EPS15L1: variants seen among roughly 807,000 people sequenced by gnomAD.
EPS15L1 encodes the protein epidermal growth factor receptor substrate 15-like 1.
Under a neutral mutation model 117.1 loss-of-function variants are expected in EPS15L1, and 43 were observed. That is an observed-to-expected ratio of 0.37 (90% CI 0.29 to 0.47). The LOEUF is 0.47. Among genes scored for constraint, EPS15L1 ranks in the 20% least tolerant of loss-of-function variants. The pLI is 0.99. For missense variants in EPS15L1, 981 were observed against 1,164.0 expected (o/e 0.84, Z 2.29); for synonymous variants, 459 against 470.5 (o/e 0.98, Z 0.32).
chr19:16,438,949 G>A (rs1021851250), intron 4 of EPS15L1, among the ~76,000 whole-genome samples: 8 of 152,002 alleles, frequency 5.3e-5, no homozygotes, highest in African/African-American at 1.9e-4. Context: ...GTGGCCTGAC[G>A]TGGACCCCAC....
rs2092770342 is a variant in EPS15L1, at chr19:16,417,536, G to C, written c.1193+16C>G. 6.2e-7 allele frequency: 1 copy of C among 1,605,742 alleles called. No homozygotes were observed. Among genetic ancestry groups the C allele is most frequent in the Admixed American group, 1.7e-5 (1 of 59,994 alleles). On this transcript the variant is annotated intron_variant, in intron 12 of 23. Transcript: ENST00000455140. ...GTAACATCTGGATGTGGAGGGAAGG[G>C]CCGTTTCCAACATACCTTTGTAACT...
Position 16,402,354 on chromosome 19 carries a change from G to A in EPS15L1, c.1758C>T (p.Val586=). The change falls in exon 16 of 24, where the codon GTC becomes GTT. Residue 586 remains valine, a synonymous_variant. Transcript: ENST00000455140. Reference sequence around the variant, plus strand: ...CAAAACTGCCCCTCTCTGCCAGGGAGACGCCTTCGCTCAGGTTGGCCAGGT... The same window carrying A: ...CAAAACTGCCCCTCTCTGCCAGGGAAACGCCTTCGCTCAGGTTGGCCAGGT... ...LTDLANLSEG[V]SLAERGSFGA... is the part of the protein sequence containing the mutation. The A allele has an allele frequency of 6.2e-7, 1 of 1,613,504 alleles. No individual in the cohort carries two copies. The highest frequency in any genetic ancestry group is 8.5e-7 in the Non-Finnish European group (1 of 1,179,770).
Position 16,421,600 on chromosome 19 carries a change from C to T in EPS15L1, c.793-124G>A. ...ATTTGGCATCAAACTCTCCTCACTT[C>T]CATGAGCCAAGAGGGCAGATGTGAT... On this transcript the variant is annotated intron_variant, in intron 9 of 23. Transcript: ENST00000455140. The T allele has an allele frequency of 5.8e-6, 6 of 1,030,084 alleles. No individual in the cohort carries two copies. In the South Asian group the frequency reaches 7.8e-5, roughly 13 times the overall value. 63.8% of individuals were successfully genotyped at this position (1,030,084 alleles called of 1,614,324 possible).
chr19:16,363,554 T>C (rs2092089700), intron 22 of EPS15L1, among the ~76,000 whole-genome samples: 1 of 152,246 alleles, frequency 6.6e-6, no homozygotes, highest in African/African-American at 2.4e-5. Flanking sequence ...CAGGTGTCCT[T>C]GTGGGCTCCG....
At chr19:16,385,046 A>G in intron 21 of EPS15L1, 83 bp downstream of exon 21, 1 of 1,080,022 alleles carries the variant, frequency 9.3e-7, no homozygotes, top group Non-Finnish European at 1.4e-6. Context: ...CGTGACATGA[A>G]CAATTACGCC....
At chr19:16,463,340 C>T (rs1470427770) in intron 1 of EPS15L1, among the ~76,000 whole-genome samples, 1 of 152,188 alleles carries the variant, frequency 6.6e-6, no homozygotes, top group Non-Finnish European at 1.5e-5. Flanking sequence ...TCCTCTCCCA[C>T]CTAGACCCTC....
intron 22 of EPS15L1, 68 bp from the exon 23 acceptor site, chr19:16,362,052 G>A (rs2092062657): frequency 6.9e-7 from 1 of 1,450,760 alleles, no homozygotes; most frequent in Admixed American, 2.6e-5. Flanking sequence ...GGACAGAGCA[G>A]AATGCTGGTG....
chr19:16,441,207 A>T (rs1197219504), intron 3 of EPS15L1: 5 of 419,946 alleles, frequency 1.2e-5, no homozygotes, highest in Non-Finnish European at 2.2e-5. Context: ...GCGGTGGTTC[A>T]CGCCTGTAAT....
At position 16,377,268 on chromosome 19, in the gene EPS15L1, C is replaced by T; in HGVS notation, c.2248-14G>A. On this transcript the variant is annotated splice_polypyrimidine_tract_variant and intron_variant, in intron 21 of 23. Transcript: ENST00000455140. ...AGAAGGTGGGGGCTGTAAGAGAGGA[C>T]ATGAAAGAGAGGCAAAAATAGTTGT... is the stretch of plus-strand genomic sequence containing the variant. 1 of 1,608,362 alleles carries T rather than the reference C, an allele frequency of 6.2e-7. No individual in the cohort carries two copies. The highest frequency in any genetic ancestry group is 8.5e-7 in the Non-Finnish European group (1 of 1,178,424).
rs1199193171 is a variant in EPS15L1 at position 16,402,433 on chromosome 19, C to T, written c.1679G>A (p.Ser560Asn). The T allele has an allele frequency of 3.7e-6, 6 of 1,612,760 alleles. No homozygotes were observed. The highest frequency in any genetic ancestry group is 1.1e-5 in the South Asian group (1 of 90,882). ...GAGCACCTGGTCATACTGCTCCAGG[C>T]TCCTGTGGGCCTCCTGGCGGCTTTC... ...LHESRQEAHRSLEQYDQVLDG... is the reference protein window; with the variant it reads ...LHESRQEAHRNLEQYDQVLDG... The change falls in exon 16 of 24, where the codon AGC (serine) becomes AAC (asparagine). Residue 560 changes from serine to asparagine, a missense_variant. Physicochemically the swap from Ser to Asn is conservative, Grantham distance 46. This residue lies in a region of EPS15L1 where 819 missense variants were observed against 949.0 expected (regional missense o/e 0.86). Coordinates refer to ENST00000455140, the MANE Select transcript of EPS15L1 (RefSeq NM_001258374.3).
intron 22 of EPS15L1, among the ~76,000 whole-genome samples, chr19:16,376,449 G>A (rs1270116322): frequency 2.0e-5 from 3 of 152,224 alleles, no homozygotes; most frequent in African/African-American, 7.2e-5. Context: ...CGAGGGCCAA[G>A]GCTAGGAGAC....
At position 16,393,988 on chromosome 19, in the gene EPS15L1, C is replaced by G. The variant is rs762470191; in HGVS notation, c.1929G>C (p.Gln643His). 1.2e-6 allele frequency: 2 copies of G among 1,614,012 alleles called. No homozygotes were observed. Among genetic ancestry groups the G allele is most frequent in the Middle Eastern group, 1.6e-4 (1 of 6,082 alleles). The change falls in exon 18 of 24, where the codon CAG becomes CAC. Residue 643 changes from glutamine (Q) to histidine (H), a missense_variant. Physicochemically the swap from Gln to His is conservative, Grantham distance 24. Coordinates refer to ENST00000455140, the MANE Select transcript of EPS15L1 (RefSeq NM_001258374.3). The part of the protein sequence containing the change: ...GADPFKGDPF[Q>H]NDPFAEQQTT... ...TCTGCTGTTCTGCAAAGGGGTCATT[C>G]TGGAACGGGTCGCCTGGTTGGAAGA...
chr19:16,445,878 C>A (rs1238523952), intron 1 of EPS15L1, among the ~76,000 whole-genome samples: 1 of 152,206 alleles, frequency 6.6e-6, no homozygotes, highest in Non-Finnish European at 1.5e-5. Context: ...GCAGAGCTGA[C>A]CCGATGTGTT....
At chr19:16,428,034 C>T (rs2144988841) in intron 8 of EPS15L1, among the ~76,000 whole-genome samples, 1 of 147,904 alleles carries the variant, frequency 6.8e-6, no homozygotes, top group East Asian at 2.0e-4. Flanking sequence ...AACCCTGTCT[C>T]TACTAAAAAT....
chr19:16,428,857 A>G, intron 7 of EPS15L1, 96 bp from the exon 8 acceptor site: 1 of 950,662 alleles, frequency 1.1e-6, no homozygotes, highest in Non-Finnish European at 1.7e-6. Flanking sequence ...CGTGGCACTC[A>G]CTGGGCTCAG....
rs71178690 is a variant in EPS15L1 at position 16,362,511 on chromosome 19, CTTTTTTTTTT to C, written c.2381-537_2381-528del. On this transcript the variant is annotated intron_variant, in intron 22 of 23. Transcript: ENST00000455140. ...GCTCTGCCATGCTGAGGTTTAAGTT[CTTTTTTTTTT>C]TTTTTTTTTTTTTTTTTTCAGAGAC... Among the ~76,000 whole-genome samples, 252 of 56,074 alleles carry C rather than the reference CTTTTTTTTTT, an allele frequency of 4.5e-3. 1 individual carries two copies. Among genetic ancestry groups the C allele is most frequent in the Non-Finnish European group, 7.8e-3 (214 of 27,378 alleles). 36.8% of individuals were successfully genotyped at this position (56,074 alleles called of 152,430 possible). A position where few individuals can be genotyped will look rare whatever the true frequency, so the allele number is the denominator to read the frequency against.
chr19:16,371,822 C>T lies in EPS15L1; in HGVS notation c.2380+5300G>A, dbSNP rs374925692. 2.0e-5 allele frequency among the ~76,000 whole-genome samples: 3 copies of T among 152,310 alleles called. No homozygotes were observed. The highest frequency in any genetic ancestry group is 1.9e-4 in the East Asian group (1 of 5,180). Reference sequence around the variant, plus strand: ...CAACTTTTACCTAGAAACTCTTCAGCGGTGAGCTCTGACTGATCTTGATCT... The same window carrying T: ...CAACTTTTACCTAGAAACTCTTCAGTGGTGAGCTCTGACTGATCTTGATCT... On this transcript the variant is annotated intron_variant, in intron 22 of 23. Transcript: ENST00000455140. This position sits in a 1 kb window ranked among gnomAD's most constrained non-coding sequence, Gnocchi z 4.7.
chr19:16,414,504 G>A (rs1324596199), intron 12 of EPS15L1, among the ~76,000 whole-genome samples: 2 of 150,540 alleles, frequency 1.3e-5, no homozygotes, highest in African/African-American at 4.9e-5. Flanking sequence ...CAGTTCAAGC[G>A]ATTCTCCTGC....
At chr19:16,406,391 A>C (rs1262370207) in intron 13 of EPS15L1, among the ~76,000 whole-genome samples, 1 of 152,136 alleles carries the variant, frequency 6.6e-6, no homozygotes. Flanking sequence ...TGGAAACATA[A>C]AGTCAGGCGT....
Sources: allele counts gnomAD v4.1 joint callset (sites outside exome capture counted in the v4.1 genomes callset), GRCh38; gene constraint gnomAD v4.1.1; regional missense constraint gnomAD v4.1.1; non-coding constraint Gnocchi (gnomAD v3.1); transcripts MANE v1.5; gene names NCBI Gene and HGNC (gene_info 2026-07-23, HGNC 2026-07-21).